The following WDTC1 variants were observed in gnomAD, a reference collection of about 807,000 sequenced individuals.
WDTC1 encodes the protein WD and tetratricopeptide repeats 1.
Under a neutral mutation model 76.0 loss-of-function variants are expected in WDTC1, and 12 were observed. That is an observed-to-expected ratio of 0.16 (90% CI 0.10 to 0.26). The LOEUF (loss-of-function observed/expected upper bound fraction) is 0.26. Among genes scored for constraint, WDTC1 ranks in the 10% least tolerant of loss-of-function variants. WDTC1 has a pLI of 1.00. For missense variants in WDTC1, 511 were observed against 908.8 expected, an observed-to-expected ratio of 0.56 and a Z score of 5.63; for synonymous variants, 326 against 350.8, an observed-to-expected ratio of 0.93 and a Z score of 0.79.
At chr1:27,246,945 C>T (rs555806642) in intron 1 of WDTC1, among the ~76,000 whole-genome samples, 4 of 150,468 alleles carry the variant, frequency 2.7e-5, no homozygotes, top group African/African-American at 9.8e-5. Context: ...TAGCTCACTG[C>T]AGCCTCAAAC....
chr1:27,236,755 T>C (rs1296759937), intron 1 of WDTC1, among the ~76,000 whole-genome samples: 8 of 152,194 alleles, frequency 5.3e-5, no homozygotes, highest in African/African-American at 1.9e-4. Context: ...CATTTGTGGA[T>C]CTTGGGCCAA....
chr1:27,279,936 A>C (rs1409979187), intron 3 of WDTC1, among the ~76,000 whole-genome samples: 1 of 152,168 alleles, frequency 6.6e-6, no homozygotes, highest in Admixed American at 6.5e-5. Flanking sequence ...TGATTCTGCC[A>C]CTCAGCTATC....
In WDTC1 at chr1:27,245,779, A is replaced by G. The variant is rs140858042; in HGVS notation, c.-100+10828A>G. On this transcript the variant is annotated intron_variant, in intron 1 of 15. Coordinates refer to ENST00000319394, the MANE Select transcript of WDTC1 (RefSeq NM_001276252.2). The stretch of plus-strand genomic sequence containing the variant: ...GAGACGAGCTTTCACCATGTTGGCC[A>G]GGCTGGTCTCGAACTCCTGACCTCC... Among the ~76,000 whole-genome samples, 1,507 of 151,578 alleles carry G rather than the reference A, an allele frequency of 9.9e-3. 19 individuals carry two copies. The highest frequency in any genetic ancestry group is 0.017 in the Middle Eastern group (5 of 294).
intron 3 of WDTC1, 126 bp downstream of exon 3, chr1:27,263,361 TCTC>T (rs2012547540): frequency 1.4e-6 from 1 of 704,730 alleles, no homozygotes; most frequent in Non-Finnish European, 2.2e-6. Context: ...GACAGTTACT[TCTC>T]CTTCAGTAGA....
rs41291068 is a variant in WDTC1, at chr1:27,303,669, C to T, written c.1517C>T (p.Thr506Met). ...GGCGCCCCAGTCCGCCTCCGCAGCACGAGCCGCAAGGACTCCATCTCAGAG... is the reference window on the plus strand; with the variant it reads ...GGCGCCCCAGTCCGCCTCCGCAGCATGAGCCGCAAGGACTCCATCTCAGAG... ...GGGAPVRLRS[T>M]SRKDSISEDE... Residue 506 changes from threonine to methionine, a missense_variant, in exon 14 of 16, where the codon ACG becomes ATG. Transcript: ENST00000319394. The surrounding 1 kb of genome is among the most constrained non-coding windows in gnomAD (Gnocchi z 4.8). The T allele has an allele frequency of 2.3e-4, 370 of 1,611,602 alleles. No individual in the cohort carries two copies. Among genetic ancestry groups the T allele is most frequent in the Non-Finnish European group, 2.8e-4 (329 of 1,179,086 alleles).
In WDTC1 at chr1:27,282,271, G is replaced by A; in HGVS notation, c.165G>A (p.Trp55Ter). 1 of 1,613,866 alleles carries A rather than the reference G, an allele frequency of 6.2e-7. No homozygotes were observed. The highest frequency in any genetic ancestry group is 1.1e-5 in the South Asian group (1 of 91,070). The change falls in exon 4 of 16, where the codon TGG (tryptophan) becomes TGA (stop). Residue 55 changes from tryptophan (W) to a stop codon, truncating the protein, a stop_gained. Coordinates refer to ENST00000319394, the MANE Select transcript of WDTC1 (RefSeq NM_001276252.2). LOFTEE classifies it high-confidence loss of function. ...CAGGATGTGTCAACTGTCTGGAGTG[G>A]AATGAGAAAGGAGAGTAAGTATGAG... ...GHSGCVNCLE[W>*]NEKGDLLASG...
upstream of WDTC1, chr1:27,234,471 T>G: frequency 9.3e-5 from 25 of 269,412 alleles, no homozygotes; most frequent in East Asian, 2.5e-4. Context: ...ACTAGCAGGT[T>G]AGTGGGCGCC....
intron 1 of WDTC1, among the ~76,000 whole-genome samples, chr1:27,240,420 A>G (rs2011593423): frequency 6.6e-6 from 1 of 152,228 alleles, no homozygotes; most frequent in Non-Finnish European, 1.5e-5. Context: ...TTTCACCTAT[A>G]AAATGAGGCT....
At chr1:27,242,267 A>C (rs746285310) in intron 1 of WDTC1, among the ~76,000 whole-genome samples, 1 of 151,978 alleles carries the variant, frequency 6.6e-6, no homozygotes, top group East Asian at 1.9e-4. Context: ...GACTTCAAGA[A>C]CAGCCTGGGC....
chr1:27,253,518 T>C lies in WDTC1; in HGVS notation c.-99-7438T>C, dbSNP rs141583394. Among the ~76,000 whole-genome samples the C allele has an allele frequency of 4.0e-3, 586 of 147,948 alleles. 5 individuals carry two copies. The highest frequency in any genetic ancestry group is 0.014 in the African/African-American group (556 of 40,402). On this transcript the variant is annotated intron_variant, in intron 1 of 15. Coordinates refer to ENST00000319394, the MANE Select transcript of WDTC1 (RefSeq NM_001276252.2). ...TTTCTTCTTCTTTCTTTCTTTCTTT[T>C]TTTTTTTTTTAACCGACAAGGTCTT...
chr1:27,236,894 A>T (rs2011500620), intron 1 of WDTC1, among the ~76,000 whole-genome samples: 1 of 152,164 alleles, frequency 6.6e-6, no homozygotes, highest in Non-Finnish European at 1.5e-5. Flanking sequence ...GCTGAAGTGC[A>T]GTGGCGCGAT....
chr1:27,269,577 C>T (rs2147943322), intron 3 of WDTC1, among the ~76,000 whole-genome samples: 1 of 144,654 alleles, frequency 6.9e-6, no homozygotes. Flanking sequence ...ACCATAAGAG[C>T]AACATGATCA....
At chr1:27,251,033 ATTTTTTTTTTTTTTTTTT>A (rs71584875) in intron 1 of WDTC1, among the ~76,000 whole-genome samples, 24 of 28,690 alleles carry the variant, frequency 8.4e-4, no homozygotes, top group Admixed American at 2.3e-3. Flanking sequence ...CTCCTGGCTA[ATTTTTTTTTTTTTTTTTT>A]TTTTTTTTTT....
intron 1 of WDTC1, among the ~76,000 whole-genome samples, chr1:27,239,813 A>G (rs1463060129): frequency 6.7e-6 from 1 of 150,134 alleles, no homozygotes; most frequent in Non-Finnish European, 1.5e-5. Context: ...TCTGTCTCAA[A>G]AAAAAAAAAA....
chr1:27,270,364 A>G (rs902150659), intron 3 of WDTC1, among the ~76,000 whole-genome samples: 4 of 152,226 alleles, frequency 2.6e-5, no homozygotes, highest in Admixed American at 6.5e-5. Context: ...GAACTAAAAT[A>G]ACAGTAATTT....
intron 6 of WDTC1, among the ~76,000 whole-genome samples, chr1:27,290,335 C>T (rs946305459): frequency 2.0e-5 from 3 of 152,322 alleles, no homozygotes; most frequent in Admixed American, 6.5e-5. Context: ...CCTCCCACCT[C>T]GGCCTCCCAC....
intron 2 of WDTC1, 122 bp downstream of exon 2, chr1:27,261,224 T>C: frequency 9.2e-7 from 1 of 1,081,446 alleles, no homozygotes; most frequent in Non-Finnish European, 1.4e-6. Context: ...AGCTAGTTAG[T>C]GGCAGACCCA....
chr1:27,287,609 C>A, intron 5 of WDTC1, 65 bp from the exon 6 acceptor site: 2 of 1,521,462 alleles, frequency 1.3e-6, no homozygotes, highest in Non-Finnish European at 8.9e-7. Flanking sequence ...GACATCCAGG[C>A]TAGCCTCCTT....
At chr1:27,254,327 T>G (rs1344966705) in intron 1 of WDTC1, among the ~76,000 whole-genome samples, 1 of 152,104 alleles carries the variant, frequency 6.6e-6, no homozygotes, top group Non-Finnish European at 1.5e-5. Context: ...CCAGGCGTGG[T>G]GGCTCACGCC....
Sources: gnomAD v4.1 joint callset for allele counts (sites outside exome capture counted in the v4.1 genomes callset) on GRCh38, gnomAD v4.1.1 for gene constraint, Gnocchi (gnomAD v3.1) non-coding constraint, MANE v1.5 for transcripts, NCBI Gene and HGNC (gene_info 2026-07-23, HGNC 2026-07-21) for gene names.